TENM1: variants seen among roughly 807,000 people sequenced by gnomAD.
The protein encoded by TENM1 is teneurin-1.
TENM1 carries 35 observed loss-of-function variants against 174.8 expected under a neutral mutation model. The ratio of observed to expected loss-of-function variants is 0.20; its 90% confidence interval spans 0.15 to 0.27. The LOEUF is 0.27. Among genes scored for constraint, TENM1 ranks in the 10% least tolerant of loss-of-function variants. The pLI is 1.00. For synonymous variants in TENM1, 781 were observed against 798.7 expected, an observed-to-expected ratio of 0.98 and a Z score of 0.37; for missense variants, 1,633 against 2,130.1, an observed-to-expected ratio of 0.77 and a Z score of 4.59.
intron 6 of TENM1, among the ~76,000 whole-genome samples, chrX:124,660,605 A>T (rs2051575360): frequency 8.9e-6 from 1 of 112,025 alleles, no homozygotes; most frequent in South Asian, 3.7e-4. Flanking sequence ...CTAATGACCA[A>T]TAAGAACAGT....
intron 1 of TENM1, among the ~76,000 whole-genome samples, chrX:124,903,554 G>A (rs1401768746): frequency 8.9e-6 from 1 of 112,051 alleles, no homozygotes; most frequent in Non-Finnish European, 1.9e-5. Context: ...GTGGGAATAA[G>A]CAAATGCTAA....
chrX:125,170,244 C>T, the TENM1 span, among the ~76,000 whole-genome samples: 1 of 110,821 alleles, frequency 9.0e-6, no homozygotes, highest in Non-Finnish European at 1.9e-5. Context: ...GAGGGAGAAG[C>T]GAGTAGACAC....
At chrX:124,744,346 T>C (rs749667876) in intron 3 of TENM1, among the ~76,000 whole-genome samples, 4 of 111,854 alleles carry the variant, frequency 3.6e-5, no homozygotes, top group South Asian at 3.7e-4. Context: ...TCTTAGAAAA[T>C]TGTCATTTTT....
chrX:124,973,563 G>T, the TENM1 span, among the ~76,000 whole-genome samples: 466 of 111,334 alleles, frequency 4.2e-3, 1 homozygote, highest in African/African-American at 0.014. Flanking sequence ...ATTTGTTTGT[G>T]TCCTCTCTTA....
intron 22 of TENM1, among the ~76,000 whole-genome samples, chrX:124,457,615 A>G (rs1417778182): frequency 8.9e-6 from 1 of 111,891 alleles, no homozygotes; most frequent in Non-Finnish European, 1.9e-5. Flanking sequence ...TTATAAATTT[A>G]TCACCTGTGA....
intron 1 of TENM1, among the ~76,000 whole-genome samples, chrX:124,920,883 C>G (rs1305799047): frequency 1.8e-5 from 2 of 109,461 alleles, no homozygotes; most frequent in Non-Finnish European, 3.8e-5. Flanking sequence ...TCCCCCCTTA[C>G]TGTTGTTTAT....
the TENM1 span, among the ~76,000 whole-genome samples, chrX:125,076,833 G>T: frequency 9.0e-6 from 1 of 110,904 alleles, no homozygotes; most frequent in African/African-American, 3.3e-5. Context: ...GTGTTTTAGG[G>T]TATAATACCT....
At chrX:124,881,933 C>T (rs1197953729) in intron 3 of TENM1, among the ~76,000 whole-genome samples, 6 of 111,370 alleles carry the variant, frequency 5.4e-5, no homozygotes, top group Admixed American at 4.7e-4. Flanking sequence ...TTCACTGTGT[C>T]GGCCAGGCTG....
At chrX:124,978,873 C>A in the TENM1 span, among the ~76,000 whole-genome samples, 91 of 111,976 alleles carry the variant, frequency 8.1e-4, no homozygotes, top group African/African-American at 2.9e-3. Flanking sequence ...TGGCTTAAGC[C>A]CTCTCAGGTA....
the TENM1 span, among the ~76,000 whole-genome samples, chrX:125,158,542 C>A: frequency 3.6e-5 from 4 of 109,940 alleles, no homozygotes; most frequent in Admixed American, 2.9e-4. Context: ...TGATATCAAT[C>A]AGAAAAATTT....
intron 21 of TENM1, among the ~76,000 whole-genome samples, chrX:124,483,637 G>A (rs2046891827): frequency 8.9e-6 from 1 of 112,356 alleles, no homozygotes; most frequent in Non-Finnish European, 1.9e-5. Flanking sequence ...TACCATTTCA[G>A]TATTGTGTAT....
chrX:124,824,591 G>T (rs1390643438), intron 3 of TENM1, among the ~76,000 whole-genome samples: 2 of 111,827 alleles, frequency 1.8e-5, no homozygotes, highest in Admixed American at 1.9e-4. Flanking sequence ...AGCTTGAGAG[G>T]TAATAACATT....
At chrX:124,695,905 C>G (rs2052638627) in intron 5 of TENM1, among the ~76,000 whole-genome samples, 1 of 111,184 alleles carries the variant, frequency 9.0e-6, no homozygotes, top group Non-Finnish European at 1.9e-5. Context: ...GATGGCTAAC[C>G]CAAGTTATAT....
chrX:124,510,833 C>T (rs896069636), intron 18 of TENM1, among the ~76,000 whole-genome samples: 14 of 108,854 alleles, frequency 1.3e-4, no homozygotes, highest in African/African-American at 4.7e-4. Context: ...TGTAGCATCA[C>T]ATTCTGGTAT....
the TENM1 span, among the ~76,000 whole-genome samples, chrX:125,049,936 AT>A: frequency 3.7e-5 from 4 of 108,859 alleles, no homozygotes; most frequent in African/African-American, 1.3e-4. Context: ...GTTTGTAAAT[AT>A]TTTTTTCCAT....
intron 3 of TENM1, among the ~76,000 whole-genome samples, chrX:124,801,627 CATG>C (rs1416206832): frequency 2.7e-5 from 3 of 111,901 alleles, no homozygotes; most frequent in Non-Finnish European, 3.8e-5. Context: ...ATTCTGTCAT[CATG>C]ATGCTTTCTG....
intron 3 of TENM1, among the ~76,000 whole-genome samples, chrX:124,753,319 G>A (rs1394847140): frequency 1.9e-4 from 21 of 108,442 alleles, no homozygotes; most frequent in African/African-American, 5.4e-4. Flanking sequence ...GAATGCTTGT[G>A]ATTTTTGTAC....
intron 18 of TENM1, among the ~76,000 whole-genome samples, chrX:124,504,353 C>G (rs968495970): frequency 8.9e-6 from 1 of 112,310 alleles, no homozygotes; most frequent in Non-Finnish European, 1.9e-5. Flanking sequence ...CATTTGTCCT[C>G]AACTGCTATG....
intron 3 of TENM1, among the ~76,000 whole-genome samples, chrX:124,754,478 T>G (rs2054173588): frequency 9.0e-6 from 1 of 111,594 alleles, no homozygotes; most frequent in Non-Finnish European, 1.9e-5. Context: ...TTTTTGTGTC[T>G]CTATTTCCTT....
Sources: gnomAD v4.1 joint callset for allele counts (sites outside exome capture counted in the v4.1 genomes callset) on GRCh38, gnomAD v4.1.1 for gene constraint, MANE v1.5 for transcripts, NCBI Gene and HGNC (gene_info 2026-07-23, HGNC 2026-07-21) for gene names.